COLEC10: variants seen among roughly 807,000 people sequenced by gnomAD.
COLEC10 encodes collectin subfamily member 10.
COLEC10 carries 22 observed loss-of-function variants against 28.4 expected under a neutral mutation model. The ratio of observed to expected loss-of-function variants is 0.78; its 90% confidence interval spans 0.55 to 1.11. The LOEUF (loss-of-function observed/expected upper bound fraction) is 1.11. COLEC10 is among the 50% of genes least tolerant of loss of function. COLEC10 has a pLI of 0.00. For missense variants in COLEC10, 361 were observed against 344.1 expected, an observed-to-expected ratio of 1.05 and a Z score of -0.39; for synonymous variants, 125 against 116.1, an observed-to-expected ratio of 1.08 and a Z score of -0.49.
intron 2 of COLEC10, among the ~76,000 whole-genome samples, chr8:119,014,669 A>G (rs975899110): frequency 6.6e-6 from 1 of 150,638 alleles, no homozygotes; most frequent in Non-Finnish European, 1.5e-5. Context: ...TCTCTTTCTT[A>G]TCCTTTGGGT....
At chr8:118,970,358 A>C in the COLEC10 span, among the ~76,000 whole-genome samples, 2 of 152,064 alleles carry the variant, frequency 1.3e-5, no homozygotes, top group African/African-American at 4.8e-5. Flanking sequence ...CTGTAGTTCC[A>C]GACACACTTG....
At position 119,043,638 on chromosome 8, in the gene COLEC10, C is replaced by T. The variant is rs1036597348; in HGVS notation, n.235+34085C>T. 4.6e-5 allele frequency among the ~76,000 whole-genome samples: 7 copies of T among 152,070 alleles called. No individual in the cohort carries two copies. In the East Asian group the frequency reaches 9.6e-4, roughly 21 times the overall value. On this transcript the variant is annotated intron_variant and non_coding_transcript_variant, in intron 2 of 6. Transcript: ENST00000521788. ...GTTAACATCACCAACAGTACATTCC[C>T]GACTTAAAATGTGGTTATTTTCTCA...
upstream of COLEC10, chr8:119,067,135 AGG>A (rs565370715): frequency 3.3e-5 from 23 of 702,362 alleles, 1 homozygote; most frequent in South Asian, 4.0e-4. Context: ...TAAACAACCT[AGG>A]GTATGCTTCC....
upstream of COLEC10, among the ~76,000 whole-genome samples, chr8:119,062,457 G>A (rs2130198545): frequency 6.6e-6 from 1 of 151,374 alleles, no homozygotes; most frequent in South Asian, 2.1e-4. Flanking sequence ...AAAAAAGTCA[G>A]CTTTCCCAGG....
At chr8:118,998,236 C>G (rs1442736089) in intron 1 of COLEC10, among the ~76,000 whole-genome samples, 3 of 152,070 alleles carry the variant, frequency 2.0e-5, no homozygotes, top group African/African-American at 4.8e-5. Context: ...TTAAATTTGC[C>G]TTTTACCCAT....
chr8:118,987,150 CA>C, the COLEC10 span, among the ~76,000 whole-genome samples: 2 of 151,492 alleles, frequency 1.3e-5, no homozygotes, highest in Non-Finnish European at 3.0e-5. Flanking sequence ...AGAGTGAAAA[CA>C]AAAAAAACAA....
chr8:119,070,734 A>G (rs984925722), intron 1 of COLEC10, among the ~76,000 whole-genome samples: 3 of 152,154 alleles, frequency 2.0e-5, no homozygotes, highest in African/African-American at 7.2e-5. Context: ...TTATGTATTC[A>G]TAAAAAATTT....
chr8:118,971,187 G>A, the COLEC10 span, among the ~76,000 whole-genome samples: 3 of 151,828 alleles, frequency 2.0e-5, no homozygotes, highest in African/African-American at 7.3e-5. Context: ...ACCAAAAGGA[G>A]AAGAAAAAAA....
At chr8:118,968,553 A>G in the COLEC10 span, among the ~76,000 whole-genome samples, 1 of 151,884 alleles carries the variant, frequency 6.6e-6, no homozygotes, top group African/African-American at 2.4e-5. Flanking sequence ...TTTCAGAATC[A>G]AAGGAGTCTT....
intron 3 of COLEC10, among the ~76,000 whole-genome samples, chr8:119,099,050 T>G (rs898786659): frequency 6.6e-6 from 1 of 152,082 alleles, no homozygotes; most frequent in Admixed American, 6.6e-5. Flanking sequence ...AGTGATTTAG[T>G]ATAGGTAAAT....
chr8:119,085,611 TTTTTTTTTTTTG>T (rs1347647299), intron 1 of COLEC10, among the ~76,000 whole-genome samples: 2 of 106,922 alleles, frequency 1.9e-5, no homozygotes, highest in Non-Finnish European at 4.3e-5. Flanking sequence ...TTTTTTTTTT[TTTTTTTTTTTTG>T]TTGTTGTTGT....
intron 1 of COLEC10, among the ~76,000 whole-genome samples, chr8:119,068,946 A>G (rs1815029976): frequency 6.6e-6 from 1 of 151,710 alleles, no homozygotes; most frequent in African/African-American, 2.4e-5. Context: ...TTTATTCTTA[A>G]TAAAATTCTT....
intron 2 of COLEC10, among the ~76,000 whole-genome samples, chr8:119,045,419 A>G (rs1359091553): frequency 6.6e-6 from 1 of 152,268 alleles, no homozygotes; most frequent in African/African-American, 2.4e-5. Flanking sequence ...ACAGCACAGC[A>G]GCTCATACTG....
intron 2 of COLEC10, among the ~76,000 whole-genome samples, chr8:119,027,921 T>G (rs1282146263): frequency 6.6e-6 from 1 of 152,176 alleles, no homozygotes; most frequent in East Asian, 1.9e-4. Flanking sequence ...AAGTTCTGGG[T>G]TTAAATCATA....
intron 1 of COLEC10, among the ~76,000 whole-genome samples, chr8:119,071,630 G>A (rs185576632): frequency 5.6e-4 from 86 of 152,214 alleles, no homozygotes; most frequent in African/African-American, 2.0e-3. Flanking sequence ...ATTTTCACAG[G>A]CTTATTACTA....
the COLEC10 span, among the ~76,000 whole-genome samples, chr8:118,970,900 A>C: frequency 2.0e-5 from 3 of 152,032 alleles, no homozygotes; most frequent in African/African-American, 7.2e-5. Flanking sequence ...CATTAGAATC[A>C]GAACCCCTTC....
chr8:119,080,738 C>T (rs778101550), intron 1 of COLEC10, among the ~76,000 whole-genome samples: 3 of 152,054 alleles, frequency 2.0e-5, no homozygotes, highest in East Asian at 3.9e-4. Flanking sequence ...TTTTTACCAT[C>T]ACCCTTCCCT....
chr8:119,054,077 A>G (rs1166591870), intron 2 of COLEC10, among the ~76,000 whole-genome samples: 1 of 152,092 alleles, frequency 6.6e-6, no homozygotes, highest in Non-Finnish European at 1.5e-5. Flanking sequence ...ATATTACAAC[A>G]GTATCTCTCA....
At position 119,106,045 on chromosome 8, in the gene COLEC10, A is replaced by G. The variant is rs772595750; in HGVS notation, c.688A>G (p.Asn230Asp). The change falls in exon 6 of 6, where the codon AAC becomes GAC. Residue 230 changes from asparagine (N) to aspartate (D), a missense_variant. Asn to Asp is a conservative substitution (Grantham distance 23). Coordinates refer to ENST00000332843, the MANE Select transcript of COLEC10 (RefSeq NM_006438.5). Reference sequence around the variant, plus strand: ...GTTCACAGACAACACTCCACTGCAGAACTATAGCAACTGGAATGAGGGGGA... The same window carrying G: ...GTTCACAGACAACACTCCACTGCAGGACTATAGCAACTGGAATGAGGGGGA... ...YMFTDNTPLQ[N>D]YSNWNEGEPS... 4 of 1,613,764 alleles carry G rather than the reference A, an allele frequency of 2.5e-6. No individual in the cohort carries two copies. Among genetic ancestry groups the G allele is most frequent in the Non-Finnish European group, 3.4e-6 (4 of 1,179,882 alleles).
Sources: gnomAD v4.1 joint callset for allele counts (sites outside exome capture counted in the v4.1 genomes callset) on GRCh38, gnomAD v4.1.1 for gene constraint, MANE v1.5 for transcripts, NCBI Gene and HGNC (gene_info 2026-07-23, HGNC 2026-07-21) for gene names.